Variants in MID1 observed in about 807,000 individuals in gnomAD.
MID1 encodes the protein E3 ubiquitin-protein ligase Midline-1.
MID1 carries 7 observed loss-of-function variants against 40.4 expected under a neutral mutation model. The observed-to-expected ratio is 0.17, with a 90% CI of 0.10 to 0.33. The LOEUF is 0.33. Ranked by LOEUF, MID1 falls within the 10% of genes least tolerant of loss-of-function variation. The pLI is 1.00. For missense variants in MID1, 367 were observed against 558.5 expected (o/e 0.66, Z 3.46); for synonymous variants, 229 against 221.2 (o/e 1.04, Z -0.31).
At chrX:10,489,775 A>G (rs1156410522) in intron 4 of MID1, among the ~76,000 whole-genome samples, 4 of 105,768 alleles carry the variant, frequency 3.8e-5, no homozygotes, top group Non-Finnish European at 7.7e-5. Context: ...GGCTCACTGC[A>G]AACTCCGCCT....
intron 4 of MID1, among the ~76,000 whole-genome samples, chrX:10,489,696 G>GT (rs778434207): frequency 0.013 from 1,210 of 95,420 alleles, 12 homozygotes; most frequent in Non-Finnish European, 0.016. Flanking sequence ...TATTTTCAAA[G>GT]TTTTTTTTTT....
intron 2 of MID1, among the ~76,000 whole-genome samples, chrX:10,551,409 C>T (rs1193359478): frequency 2.7e-5 from 3 of 112,356 alleles, no homozygotes; most frequent in African/African-American, 9.7e-5. Context: ...ATAAGACTTT[C>T]TTGAAAGAAA....
intron 1 of MID1, among the ~76,000 whole-genome samples, chrX:10,673,922 G>C (rs942720273): frequency 9.0e-6 from 1 of 111,494 alleles, no homozygotes; most frequent in Admixed American, 9.6e-5. Context: ...GTGGATTCAA[G>C]ACATGTTCAT....
intron 3 of MID1, among the ~76,000 whole-genome samples, chrX:10,510,830 CAAAAAAAAAAAAA>C (rs1185825614): frequency 8.4e-5 from 2 of 23,952 alleles, no homozygotes; most frequent in Non-Finnish European, 1.5e-4. Flanking sequence ...GACTCTGTCT[CAAAAAAAAAAAAA>C]AAAAAAAAAA....
chrX:10,734,198 T>A (rs1326334716), intron 1 of MID1, among the ~76,000 whole-genome samples: 1 of 112,318 alleles, frequency 8.9e-6, no homozygotes, highest in Non-Finnish European at 1.9e-5. Context: ...CATGGAATAC[T>A]ATGCAGGTAT....
chrX:10,715,418 G>C (rs5979351), intron 1 of MID1, among the ~76,000 whole-genome samples: 10,606 of 111,947 alleles, frequency 0.095, 776 homozygotes, highest in African/African-American at 0.25. Context: ...TGGCTCGGAG[G>C]GTCCTACGCC....
chrX:10,497,805 A>G (rs1426585060), intron 3 of MID1, among the ~76,000 whole-genome samples: 2 of 112,388 alleles, frequency 1.8e-5, no homozygotes, highest in African/African-American at 6.5e-5. Flanking sequence ...TACGAGTTAA[A>G]TCTGATAGAA....
At chrX:10,584,953 G>C (rs960360030) in intron 1 of MID1, among the ~76,000 whole-genome samples, 1 of 110,940 alleles carries the variant, frequency 9.0e-6, no homozygotes, top group African/African-American at 3.3e-5. Flanking sequence ...AAGGTGGGGG[G>C]GTCCACGTGA....
At chrX:10,506,264 G>A (rs1931825265) in intron 3 of MID1, 1 of 1,008,841 alleles carries the variant, frequency 9.9e-7, no homozygotes, top group Admixed American at 4.6e-5. Context: ...AGAGACTTGT[G>A]CTATCATTTC....
At chrX:10,491,448 C>T (rs1930947185) in intron 4 of MID1, among the ~76,000 whole-genome samples, 1 of 109,883 alleles carries the variant, frequency 9.1e-6, no homozygotes, top group Non-Finnish European at 1.9e-5. Flanking sequence ...AGGGTCTTGC[C>T]GTGTTGCCCA....
intron 3 of MID1, among the ~76,000 whole-genome samples, chrX:10,510,618 G>C (rs1207082253): frequency 9.2e-6 from 1 of 108,459 alleles, no homozygotes; most frequent in Non-Finnish European, 1.9e-5. Flanking sequence ...AGATCACGAG[G>C]TCAGGAGATC....
chrX:10,760,971 T>C (rs1332273475), intron 1 of MID1, among the ~76,000 whole-genome samples: 1 of 112,013 alleles, frequency 8.9e-6, no homozygotes, highest in Non-Finnish European at 1.9e-5. Context: ...AACCAATCCA[T>C]ACCTCCCGCC....
intron 1 of MID1, among the ~76,000 whole-genome samples, chrX:10,796,652 G>C (rs2043970119): frequency 9.1e-6 from 1 of 110,137 alleles, no homozygotes; most frequent in Non-Finnish European, 1.9e-5. Context: ...TGATTGGCCA[G>C]AAAGAATATG....
In MID1 at chrX:10,642,786, A is replaced by C. The variant is rs140669187; in HGVS notation, c.-186-22367T>G. ...CTATACTACAAGTTTACAGTAACCA[A>C]AACAGCATGATACTGGTACCAAAAC... On this transcript the variant is annotated intron_variant, in intron 1 of 10. Coordinates refer to the MID1 transcript ENST00000380785. 1.8e-3 allele frequency among the ~76,000 whole-genome samples: 195 copies of C among 110,499 alleles called. 4 individuals are homozygous for C. The East Asian group carries it at 0.048, about 27-fold the overall frequency.
At chrX:10,779,479 G>A (rs1271020667) in intron 1 of MID1, among the ~76,000 whole-genome samples, 1 of 112,236 alleles carries the variant, frequency 8.9e-6, no homozygotes, top group Non-Finnish European at 1.9e-5. Flanking sequence ...GGCGAGGTAG[G>A]AAACTTTGAG....
chrX:10,455,767 T>G (rs925364144), intron 8 of MID1, among the ~76,000 whole-genome samples: 5 of 112,019 alleles, frequency 4.5e-5, no homozygotes, highest in African/African-American at 1.6e-4. Flanking sequence ...GCCACAAAAT[T>G]AGGAAAAAAT....
At chrX:10,817,562 T>TTCTTTCTTTCTTTCTC (rs1569177964) in intron 1 of MID1, among the ~76,000 whole-genome samples, 1 of 98,553 alleles carries the variant, frequency 1.0e-5, no homozygotes, top group Non-Finnish European at 2.0e-5. Flanking sequence ...CTTTCTTTCT[T>TTCTTTCTTTCTTTCTC]TCTTTCTTTC....
chrX:10,501,037 G>A (rs928802730), intron 3 of MID1, among the ~76,000 whole-genome samples: 11 of 111,901 alleles, frequency 9.8e-5, no homozygotes, highest in Admixed American at 4.7e-4. Flanking sequence ...CTGGCCGGGC[G>A]CGGTGGCTCA....
At chrX:10,696,431 C>G (rs1202450104) in intron 1 of MID1, among the ~76,000 whole-genome samples, 1 of 111,546 alleles carries the variant, frequency 9.0e-6, no homozygotes, top group African/African-American at 3.3e-5. Context: ...TTGAATCTCT[C>G]AAGTCACCTG....
Sources: allele counts gnomAD v4.1 joint callset (sites outside exome capture counted in the v4.1 genomes callset), GRCh38; gene constraint gnomAD v4.1.1; transcripts MANE v1.5; gene names NCBI Gene and HGNC (gene_info 2026-07-23, HGNC 2026-07-21).